Variants in QRFPR observed in about 807,000 individuals in gnomAD.
QRFPR encodes pyroglutamylated RFamide peptide receptor, also known as pyroglutamylated RF-amide peptide receptor.
Under a neutral mutation model 31.3 loss-of-function variants are expected in QRFPR, and 37 were observed. The observed-to-expected ratio is 1.18, with a 90% CI of 0.91 to 1.56. The LOEUF (loss-of-function observed/expected upper bound fraction) is 1.56. Ranked by LOEUF, QRFPR falls within the 40% of genes most tolerant of loss-of-function variation. The pLI, the probability that QRFPR is intolerant of heterozygous loss-of-function variation, is 0.00. For synonymous variants in QRFPR, 197 were observed against 192.0 expected (o/e 1.03, Z -0.22); for missense variants, 542 against 532.5 (o/e 1.02, Z -0.18).
chr4:121,342,252 C>A (rs370774785), intron 1 of QRFPR, among the ~76,000 whole-genome samples: 1 of 152,150 alleles, frequency 6.6e-6, no homozygotes, highest in Admixed American at 6.5e-5. Flanking sequence ...AGACTGGGAC[C>A]TACACCAACA....
At chr4:121,346,466 A>G (rs990277365) in intron 1 of QRFPR, among the ~76,000 whole-genome samples, 2 of 152,222 alleles carry the variant, frequency 1.3e-5, no homozygotes, top group Non-Finnish European at 2.9e-5. Flanking sequence ...AATTTTCTAC[A>G]TAGAAAATAA....
intron 1 of QRFPR, among the ~76,000 whole-genome samples, chr4:121,349,751 T>G (rs546053721): frequency 1.3e-5 from 2 of 152,178 alleles, no homozygotes; most frequent in Non-Finnish European, 2.9e-5. Context: ...ATTTAAAATA[T>G]AAAATCCTAA....
At chr4:121,342,333 G>C (rs12507514) in intron 1 of QRFPR, among the ~76,000 whole-genome samples, 14 of 152,010 alleles carry the variant, frequency 9.2e-5, no homozygotes, top group African/African-American at 3.1e-4. Context: ...CATCTAGGTG[G>C]CAGATAGTGG....
chr4:121,380,643 T>C lies in QRFPR; in HGVS notation c.5A>G (p.Gln2Arg), dbSNP rs766878216. The C allele has an allele frequency of 2.0e-6, 3 of 1,532,326 alleles. No homozygotes were observed. The Admixed American group carries it at 5.9e-5, about 30-fold the overall frequency. The allele number at this position is 1,532,326 out of a possible 1,614,324, so 94.9% of individuals were successfully genotyped here. Residue 2 changes from glutamine to arginine, a missense_variant, in exon 1 of 6, where the codon CAG (glutamine) becomes CGG (arginine). Physicochemically the swap from Gln to Arg is conservative, Grantham distance 43 (BLOSUM62 1). Transcript: ENST00000394427. Reference protein sequence around the residue: MQALNITPEQFS... With the variant: MRALNITPEQFS... ...CTGCTCCGGGGTAATGTTAAGCGCC[T>C]GCATTGCTGTGCGCTCCCGGGACGC...
At chr4:121,364,668 A>G (rs948810330) in intron 1 of QRFPR, among the ~76,000 whole-genome samples, 6 of 149,362 alleles carry the variant, frequency 4.0e-5, no homozygotes, top group African/African-American at 1.5e-4. Flanking sequence ...AAAAAGAAAA[A>G]GAAAACTTTT....
chr4:121,341,051 T>TAA (rs200260416), intron 1 of QRFPR, among the ~76,000 whole-genome samples: 2,545 of 152,326 alleles, frequency 0.017, 72 homozygotes, highest in African/African-American at 0.056. Context: ...TTTTATCATT[T>TAA]ATTCTCCTTT....
At chr4:121,366,196 G>A (rs1278209942) in intron 1 of QRFPR, among the ~76,000 whole-genome samples, 2 of 149,892 alleles carry the variant, frequency 1.3e-5, no homozygotes, top group African/African-American at 2.5e-5. Flanking sequence ...CAACACTGAA[G>A]CAGACTGGTT....
At chr4:121,340,161 G>T in intron 2 of QRFPR, 7 of 278,100 alleles carry the variant, frequency 2.5e-5, no homozygotes, top group Non-Finnish European at 3.4e-5. Flanking sequence ...GAGTGTTAAT[G>T]TGGCAATGCC....
At chr4:121,358,125 A>G (rs1725905128) in intron 1 of QRFPR, among the ~76,000 whole-genome samples, 2 of 152,232 alleles carry the variant, frequency 1.3e-5, no homozygotes, top group African/African-American at 4.8e-5. Context: ...TTTTTAAAAA[A>G]GCAAAAATCT....
intron 1 of QRFPR, among the ~76,000 whole-genome samples, chr4:121,360,529 A>G (rs1260710103): frequency 6.6e-6 from 1 of 151,704 alleles, no homozygotes; most frequent in African/African-American, 2.4e-5. Context: ...GGGTAGCCTG[A>G]CTCCCCTGAT....
intron 1 of QRFPR, among the ~76,000 whole-genome samples, chr4:121,358,927 ATAT>A (rs1157153229): frequency 6.6e-6 from 1 of 152,160 alleles, no homozygotes; most frequent in Non-Finnish European, 1.5e-5. Context: ...AAGATAGGTG[ATAT>A]TATTATTTCT....
At chr4:121,346,421 C>T (rs1048121796) in intron 1 of QRFPR, among the ~76,000 whole-genome samples, 1 of 152,176 alleles carries the variant, frequency 6.6e-6, no homozygotes. Context: ...GCTGAACTCA[C>T]TTATTACCTC....
chr4:121,344,602 T>C (rs17051342), intron 1 of QRFPR, among the ~76,000 whole-genome samples: 2,583 of 152,276 alleles, frequency 0.017, 86 homozygotes, highest in African/African-American at 0.059. Context: ...CATGCTCTTT[T>C]GCTATCTACT....
intron 1 of QRFPR, chr4:121,369,823 G>A (rs1726198378): frequency 8.2e-7 from 1 of 1,224,052 alleles, no homozygotes; most frequent in Non-Finnish European, 1.2e-6. Flanking sequence ...TGGTGCTTGG[G>A]GTGGACAGGG....
chr4:121,368,338 A>T (rs1726165799), intron 1 of QRFPR, among the ~76,000 whole-genome samples: 1 of 148,632 alleles, frequency 6.7e-6, no homozygotes, highest in Non-Finnish European at 1.5e-5. Context: ...ACTTTAAAAA[A>T]GTTTAAGTCC....
intron 1 of QRFPR, among the ~76,000 whole-genome samples, chr4:121,375,852 TAGAG>T (rs1253142301): frequency 3.9e-5 from 6 of 152,148 alleles, no homozygotes; most frequent in African/African-American, 1.4e-4. Flanking sequence ...CATGGAAACT[TAGAG>T]AAGAGAGTGG....
intron 3 of QRFPR, chr4:121,334,719 C>T (rs1403225659): frequency 4.3e-5 from 12 of 277,062 alleles, no homozygotes; most frequent in African/African-American, 2.2e-5. Context: ...TTAACCGTCT[C>T]GTTGCTTCTA....
chr4:121,373,465 T>C (rs995580394), intron 1 of QRFPR, among the ~76,000 whole-genome samples: 1 of 152,204 alleles, frequency 6.6e-6, no homozygotes, highest in Non-Finnish European at 1.5e-5. Context: ...TGGACCTCTG[T>C]TTAATTTACA....
At chr4:121,371,870 A>G (rs1465541329) in intron 1 of QRFPR, among the ~76,000 whole-genome samples, 1 of 152,164 alleles carries the variant, frequency 6.6e-6, no homozygotes, top group Non-Finnish European at 1.5e-5. Flanking sequence ...TGATTCAGTT[A>G]GTAAGGAGAC....
Sources: allele counts gnomAD v4.1 joint callset (sites outside exome capture counted in the v4.1 genomes callset), GRCh38; gene constraint gnomAD v4.1.1; transcripts MANE v1.5; gene names NCBI Gene and HGNC (gene_info 2026-07-23, HGNC 2026-07-21).